Variants in PRICKLE1 observed in about 807,000 individuals in gnomAD.
PRICKLE1 encodes prickle planar cell polarity protein 1, also known as prickle-like protein 1.
PRICKLE1 carries 14 observed loss-of-function variants against 70.2 expected under a neutral mutation model. The ratio of observed to expected loss-of-function variants is 0.20; its 90% confidence interval spans 0.13 to 0.31. PRICKLE1 has a LOEUF of 0.31. Ranked by LOEUF, PRICKLE1 falls within the 10% of genes least tolerant of loss-of-function variation. PRICKLE1 has a pLI of 1.00. For synonymous variants in PRICKLE1, 357 were observed against 379.9 expected (o/e 0.94, Z 0.70); for missense variants, 821 against 1,026.2 (o/e 0.80, Z 2.73).
intron 1 of PRICKLE1, among the ~76,000 whole-genome samples, chr12:42,586,519 CTG>C (rs1940990008): frequency 6.6e-6 from 1 of 152,014 alleles, no homozygotes; most frequent in Non-Finnish European, 1.5e-5. Flanking sequence ...TGTAGCTTTC[CTG>C]TCTTTCTTTA....
chr12:42,532,762 T>G (rs1026994472), intron 1 of PRICKLE1, among the ~76,000 whole-genome samples: 1 of 151,988 alleles, frequency 6.6e-6, no homozygotes, highest in African/African-American at 2.4e-5. Flanking sequence ...CCGCACGCTG[T>G]GGCGGGCGCC....
intron 1 of PRICKLE1, among the ~76,000 whole-genome samples, chr12:42,507,290 G>A (rs1350584000): frequency 6.6e-6 from 1 of 152,114 alleles, no homozygotes; most frequent in African/African-American, 2.4e-5. Context: ...TGGGGGATAG[G>A]GGATAGTTAC....
Position 42,472,481 on chromosome 12 carries a change from C to T in PRICKLE1, c.36G>A (p.Leu12=), listed in dbSNP as rs1162360044. The change falls in exon 2 of 8, where the codon CTG becomes CTA. Residue 12 remains leucine, a synonymous_variant. Transcript: ENST00000345127. ...PLEMEPKMSK[L]AFGCQRSSTS... ...TGGAACTTCTCTGACAGCCAAAGGC[C>T]AGTTTGCTCATCTTGGGCTCCATCT... 6.2e-7 allele frequency: 1 copy of T among 1,614,022 alleles called. No individual in the cohort carries two copies. The highest frequency in any genetic ancestry group is 8.5e-7 in the Non-Finnish European group (1 of 1,180,032).
intron 1 of PRICKLE1, chr12:42,485,553 ACT>A (rs1244114606): frequency 6.6e-5 from 10 of 151,842 alleles, no homozygotes; most frequent in Admixed American, 5.9e-4. Context: ...TTCCTACTTC[ACT>A]CTGTTTGGGC....
At chr12:42,555,032 G>A (rs531290992) in intron 1 of PRICKLE1, among the ~76,000 whole-genome samples, 10 of 152,278 alleles carry the variant, frequency 6.6e-5, no homozygotes, top group African/African-American at 2.4e-4. Context: ...GCCGGGCGCA[G>A]TGGCTCATCC....
intron 1 of PRICKLE1, among the ~76,000 whole-genome samples, chr12:42,533,453 G>A (rs1430232636): frequency 6.6e-6 from 1 of 152,122 alleles, no homozygotes. Context: ...CTGTGAACAA[G>A]ACTTACATTT....
intron 1 of PRICKLE1, among the ~76,000 whole-genome samples, chr12:42,473,616 C>T (rs1156535201): frequency 6.6e-6 from 1 of 152,080 alleles, no homozygotes; most frequent in South Asian, 2.1e-4. Flanking sequence ...TATACCTGGG[C>T]CTTTCACCCA....
At chr12:42,547,020 T>G (rs1193995945) in intron 1 of PRICKLE1, among the ~76,000 whole-genome samples, 1 of 152,222 alleles carries the variant, frequency 6.6e-6, no homozygotes, top group Non-Finnish European at 1.5e-5. Context: ...TTTGCTTGTT[T>G]TGTTTTGAAT....
At chr12:42,521,636 G>A (rs761051863) in intron 1 of PRICKLE1, among the ~76,000 whole-genome samples, 47 of 152,200 alleles carry the variant, frequency 3.1e-4, no homozygotes, top group Non-Finnish European at 5.6e-4. Context: ...GCTAGGTGGA[G>A]GTGGCAGTGA....
intron 1 of PRICKLE1, among the ~76,000 whole-genome samples, chr12:42,479,384 A>G (rs539773885): frequency 6.6e-6 from 1 of 152,324 alleles, no homozygotes; most frequent in East Asian, 1.9e-4. Context: ...CCAATACCAT[A>G]CACATAGCGT....
At chr12:42,476,268 T>C (rs56051354) in intron 1 of PRICKLE1, among the ~76,000 whole-genome samples, 97,341 of 151,084 alleles carry the variant, frequency 0.64, 31,575 homozygotes, top group Admixed American at 0.68. Context: ...CCGCAACCTC[T>C]GCCTCCCAGG....
chr12:42,586,129 C>A (rs1008651821), intron 1 of PRICKLE1, among the ~76,000 whole-genome samples: 3 of 152,144 alleles, frequency 2.0e-5, no homozygotes, highest in African/African-American at 7.2e-5. Context: ...CTTAAAACAC[C>A]AATCGACCAA....
chr12:42,506,241 G>GTTTTTTT (rs774029085), intron 1 of PRICKLE1, among the ~76,000 whole-genome samples: 2 of 122,098 alleles, frequency 1.6e-5, no homozygotes, highest in Admixed American at 1.0e-4. Context: ...AGTAAAAAAT[G>GTTTTTTT]TTCTTTTTTC....
At chr12:42,479,825 C>T (rs1198966031) in intron 1 of PRICKLE1, among the ~76,000 whole-genome samples, 1 of 152,020 alleles carries the variant, frequency 6.6e-6, no homozygotes, top group Non-Finnish European at 1.5e-5. Flanking sequence ...CATGGTGGCG[C>T]ATGTCTGTAA....
In PRICKLE1 at chr12:42,459,276, A is replaced by G. The variant is rs527422458; in HGVS notation, c.*533T>C. The G allele has an allele frequency of 1.3e-4, 91 of 700,322 alleles. 1 individual carries two copies. The African/African-American group carries it at 1.5e-3, about 11-fold the overall frequency. 43.4% of individuals were successfully genotyped at this position (700,322 alleles called of 1,614,324 possible). ...TTTTTGTTTTTTTTTTTCAATCTGT[A>G]GCTGGCGCTGATACAATACAATGTT... On this transcript the variant is annotated 3_prime_UTR_variant, in exon 8 of 8. Transcript: ENST00000345127.
At chr12:42,534,813 TC>T (rs1566117205) in intron 1 of PRICKLE1, among the ~76,000 whole-genome samples, 1 of 152,190 alleles carries the variant, frequency 6.6e-6, no homozygotes, top group African/African-American at 2.4e-5. Context: ...AGATTTATTT[TC>T]CTAGAAAGAT....
intron 2 of PRICKLE1, 85 bp from the exon 3 acceptor site, chr12:42,470,444 G>T: frequency 1.0e-6 from 1 of 965,212 alleles, no homozygotes; most frequent in Non-Finnish European, 1.7e-6. Flanking sequence ...CCTTTCCCTA[G>T]GTACAGGGTT....
Position 42,464,996 on chromosome 12 carries a change from A to G in PRICKLE1, c.1038T>C (p.Cys346=). Residue 346 remains cysteine, a synonymous_variant, in exon 7 of 8, where the codon TGT becomes TGC. Transcript: ENST00000345127. The surrounding 1 kb of genome is among the most constrained non-coding windows in gnomAD (Gnocchi z 4.2). ...CAGGCGATAAGAGGAGAGACTGTCT[A>G]CACTGATCTGCTGACCGGCTGCTCT... The part of the protein sequence containing the change: ...MGKSSRSADQ[C]RQSLLLSPAL... 6.2e-7 allele frequency: 1 copy of G among 1,611,272 alleles called. No homozygotes were observed. The highest frequency in any genetic ancestry group is 8.5e-7 in the Non-Finnish European group (1 of 1,178,836).
chr12:42,474,104 T>A (rs1938428607), intron 1 of PRICKLE1, among the ~76,000 whole-genome samples: 1 of 151,914 alleles, frequency 6.6e-6, no homozygotes, highest in African/African-American at 2.4e-5. Context: ...AAACCCCGTC[T>A]CTACTAAAAA....
Sources: gnomAD v4.1 joint callset for allele counts (sites outside exome capture counted in the v4.1 genomes callset) on GRCh38, gnomAD v4.1.1 for gene constraint, Gnocchi (gnomAD v3.1) non-coding constraint, MANE v1.5 for transcripts, NCBI Gene and HGNC (gene_info 2026-07-23, HGNC 2026-07-21) for gene names.